Variants in LYPD6 observed in about 807,000 individuals in gnomAD.
LYPD6 encodes ly6/PLAUR domain-containing protein 6.
LYPD6 carries 15 observed loss-of-function variants against 22.7 expected under a neutral mutation model. The observed-to-expected ratio is 0.66, with a 90% confidence interval of 0.44 to 1.02. The LOEUF (loss-of-function observed/expected upper bound fraction) is 1.02, where lower values mean the gene tolerates loss of function less well. Among genes scored for constraint, LYPD6 ranks in the 50% least tolerant of loss-of-function variants. The pLI, the probability that LYPD6 is intolerant of heterozygous loss-of-function variation, is 0.00. For missense variants in LYPD6, 189 were observed against 208.4 expected (o/e 0.91, Z 0.57); for synonymous variants, 72 against 77.5 (o/e 0.93, Z 0.37).
intron 2 of LYPD6, among the ~76,000 whole-genome samples, chr2:149,447,151 A>G (rs769147047): frequency 1.3e-5 from 2 of 152,232 alleles, no homozygotes; most frequent in Non-Finnish European, 2.9e-5. Flanking sequence ...TGAAGCAAGC[A>G]AATGATTAGA....
At chr2:149,463,877 G>T (rs1338015666) in intron 3 of LYPD6, among the ~76,000 whole-genome samples, 2 of 151,982 alleles carry the variant, frequency 1.3e-5, no homozygotes, top group Admixed American at 6.6e-5. Flanking sequence ...AAGGGGTGGG[G>T]GCAGGAGGGA....
intron 1 of LYPD6, among the ~76,000 whole-genome samples, chr2:149,373,121 T>G (rs1681847178): frequency 1.3e-5 from 2 of 152,122 alleles, no homozygotes; most frequent in South Asian, 4.2e-4. Flanking sequence ...GGCCCTTGAT[T>G]AGAGGGCAGG....
chr2:149,335,563 A>ATTT (rs1387373330), intron 1 of LYPD6, among the ~76,000 whole-genome samples: 6 of 152,200 alleles, frequency 3.9e-5, no homozygotes, highest in Admixed American at 1.3e-4. Flanking sequence ...AAAAAATGTT[A>ATTT]AAGTAAATTT....
At chr2:149,435,560 G>A (rs1276640243) in intron 1 of LYPD6, among the ~76,000 whole-genome samples, 1 of 152,224 alleles carries the variant, frequency 6.6e-6, no homozygotes, top group Non-Finnish European at 1.5e-5. Flanking sequence ...AGAAAAGCCA[G>A]ATGGATGTGG....
intron 1 of LYPD6, among the ~76,000 whole-genome samples, chr2:149,356,626 T>A (rs561571244): frequency 6.6e-6 from 1 of 152,288 alleles, no homozygotes; most frequent in South Asian, 2.1e-4. Context: ...TCTCTTCTGA[T>A]CCTTTCCCCT....
At chr2:149,348,957 G>A (rs1000613897) in intron 1 of LYPD6, among the ~76,000 whole-genome samples, 2 of 152,106 alleles carry the variant, frequency 1.3e-5, no homozygotes, top group Non-Finnish European at 2.9e-5. Flanking sequence ...AGGATGTGGA[G>A]TATAAGTGAG....
At chr2:149,362,078 A>G (rs1016431270) in intron 1 of LYPD6, among the ~76,000 whole-genome samples, 2 of 152,232 alleles carry the variant, frequency 1.3e-5, no homozygotes, top group African/African-American at 4.8e-5. Context: ...GAAACTGTGC[A>G]GATGCTTGAT....
chr2:149,338,120 A>G (rs1573726437), intron 1 of LYPD6, among the ~76,000 whole-genome samples: 1 of 152,284 alleles, frequency 6.6e-6, no homozygotes, highest in South Asian at 2.1e-4. Flanking sequence ...GAACATACAC[A>G]TTCATGTGTT....
At chr2:149,481,377 A>G in the LYPD6 span, among the ~76,000 whole-genome samples, 1 of 152,212 alleles carries the variant, frequency 6.6e-6, no homozygotes, top group Non-Finnish European at 1.5e-5. Flanking sequence ...TGCAACATAA[A>G]TTGTTAAAGC....
At chr2:149,478,881 A>C (rs549223023), downstream of LYPD6, among the ~76,000 whole-genome samples, 1 of 152,262 alleles carries the variant, frequency 6.6e-6, no homozygotes, top group East Asian at 1.9e-4. Flanking sequence ...TGTCCCACCC[A>C]CATTCACACA....
intron 3 of LYPD6, among the ~76,000 whole-genome samples, chr2:149,452,704 T>C (rs1350284016): frequency 6.6e-6 from 1 of 152,250 alleles, no homozygotes; most frequent in Non-Finnish European, 1.5e-5. Flanking sequence ...ATTCACTGAA[T>C]GTCAAGAATT....
At chr2:149,427,197 T>C (rs1460398273) in intron 1 of LYPD6, among the ~76,000 whole-genome samples, 1 of 152,196 alleles carries the variant, frequency 6.6e-6, no homozygotes, top group Non-Finnish European at 1.5e-5. Context: ...TTATTTTGAA[T>C]GTAAGAACAG....
At chr2:149,377,638 G>A (rs181925897) in intron 1 of LYPD6, among the ~76,000 whole-genome samples, 15 of 152,216 alleles carry the variant, frequency 9.9e-5, no homozygotes, top group South Asian at 2.1e-4. Context: ...AAGTTAGCCC[G>A]GTGTGGTGGC....
intron 1 of LYPD6, among the ~76,000 whole-genome samples, chr2:149,386,540 A>G (rs983024758): frequency 2.0e-5 from 3 of 152,218 alleles, no homozygotes; most frequent in African/African-American, 4.8e-5. Flanking sequence ...GATGGAAACC[A>G]TGAGAGCCGT....
chr2:149,441,530 A>G (rs1683568314), intron 2 of LYPD6, among the ~76,000 whole-genome samples: 1 of 152,192 alleles, frequency 6.6e-6, no homozygotes, highest in Non-Finnish European at 1.5e-5. Flanking sequence ...TGGTTTCCTA[A>G]TCTTTGAAGT....
chr2:149,387,447 G>C (rs1263665428), intron 1 of LYPD6, among the ~76,000 whole-genome samples: 2 of 152,100 alleles, frequency 1.3e-5, no homozygotes, highest in African/African-American at 4.8e-5. Flanking sequence ...AGCACTGACT[G>C]GTATGTTAAT....
chr2:149,359,994 T>C (rs999910677), intron 1 of LYPD6, among the ~76,000 whole-genome samples: 11 of 152,342 alleles, frequency 7.2e-5, no homozygotes, highest in Admixed American at 5.9e-4. Flanking sequence ...ACTTCTTGAT[T>C]ATATGCTAAA....
At chr2:149,355,558 C>T (rs117850991) in intron 1 of LYPD6, among the ~76,000 whole-genome samples, 251 of 152,132 alleles carry the variant, frequency 1.6e-3, no homozygotes, top group African/African-American at 5.6e-3. Flanking sequence ...CTTTAAGACC[C>T]GATAGTCATA....
At chr2:149,349,093 C>G (rs1045503950) in intron 1 of LYPD6, among the ~76,000 whole-genome samples, 1 of 151,678 alleles carries the variant, frequency 6.6e-6, no homozygotes, top group Non-Finnish European at 1.5e-5. Flanking sequence ...GGTGTGCACA[C>G]CTTAGATTTG....
Sources: allele counts gnomAD v4.1 joint callset (sites outside exome capture counted in the v4.1 genomes callset), GRCh38; gene constraint gnomAD v4.1.1; transcripts MANE v1.5; gene names NCBI Gene and HGNC (gene_info 2026-07-23, HGNC 2026-07-21).